The following EBF1 variants were observed in gnomAD, a reference collection of about 807,000 sequenced individuals.
EBF1 encodes the protein transcription factor COE1.
A neutral mutation model predicts 68.4 loss-of-function variants in EBF1; 10 were observed. The observed-to-expected ratio is 0.15, with a 90% confidence interval of 0.09 to 0.25. The LOEUF (loss-of-function observed/expected upper bound fraction) is 0.25, where lower values mean the gene tolerates loss of function less well. Ranked by LOEUF, EBF1 falls within the 10% of genes least tolerant of loss-of-function variation. The pLI, the probability that EBF1 is intolerant of heterozygous loss-of-function variation, is 1.00. For synonymous variants in EBF1, 298 were observed against 299.8 expected, an observed-to-expected ratio of 0.99 and a Z score of 0.06; for missense variants, 509 against 794.4, an observed-to-expected ratio of 0.64 and a Z score of 4.32.
chr5:158,769,709 A>G (rs1367714561), intron 10 of EBF1, among the ~76,000 whole-genome samples: 1 of 152,074 alleles, frequency 6.6e-6, no homozygotes, highest in Non-Finnish European at 1.5e-5. Flanking sequence ...GATCAGGGAA[A>G]AATCATATGT....
chr5:158,821,330 T>G (rs1221702410), intron 8 of EBF1, among the ~76,000 whole-genome samples: 1 of 152,242 alleles, frequency 6.6e-6, no homozygotes, highest in East Asian at 1.9e-4. Context: ...ATAACGTTAC[T>G]GATCCTCATT....
At chr5:158,977,577 A>G (rs1273474273) in intron 6 of EBF1, among the ~76,000 whole-genome samples, 1 of 152,226 alleles carries the variant, frequency 6.6e-6, no homozygotes, top group African/African-American at 2.4e-5. Context: ...TTAGCATCCT[A>G]TCAGTTCAGA....
At chr5:158,796,651 C>A (rs1779660631) in intron 8 of EBF1, among the ~76,000 whole-genome samples, 176 bp from the exon 9 acceptor site, 1 of 152,172 alleles carries the variant, frequency 6.6e-6, no homozygotes, top group Non-Finnish European at 1.5e-5. Flanking sequence ...GGTGCAACTT[C>A]AGTTTTTAAA....
intron 6 of EBF1, among the ~76,000 whole-genome samples, chr5:158,856,154 C>T (rs1793960438): frequency 6.6e-6 from 1 of 152,132 alleles, no homozygotes. Context: ...CTGCTGATGG[C>T]TACCAGATGT....
At chr5:159,062,412 T>TA (rs1776032526) in intron 6 of EBF1, among the ~76,000 whole-genome samples, 1 of 143,958 alleles carries the variant, frequency 6.9e-6, no homozygotes, top group South Asian at 2.2e-4. Flanking sequence ...GCCCTGTGGG[T>TA]AACTTCAAGC....
chr5:158,977,691 A>C (rs375538010), intron 6 of EBF1, among the ~76,000 whole-genome samples: 1 of 152,230 alleles, frequency 6.6e-6, no homozygotes, highest in African/African-American at 2.4e-5. Context: ...GCAAGATATG[A>C]AAGGGGTGGT....
intron 6 of EBF1, among the ~76,000 whole-genome samples, chr5:159,034,518 A>G (rs1561847948): frequency 6.6e-6 from 1 of 152,190 alleles, no homozygotes; most frequent in Non-Finnish European, 1.5e-5. Context: ...GGCCACCTTG[A>G]CAGCAAATCG....
intron 6 of EBF1, among the ~76,000 whole-genome samples, chr5:159,069,912 C>T: frequency 6.6e-6 from 1 of 152,146 alleles, no homozygotes; most frequent in East Asian, 1.9e-4. Flanking sequence ...GGTAATAAAA[C>T]TCCTATTTAT....
At chr5:158,743,089 A>G (rs898940355) in intron 10 of EBF1, among the ~76,000 whole-genome samples, 6 of 152,206 alleles carry the variant, frequency 3.9e-5, no homozygotes, top group Non-Finnish European at 7.3e-5. Flanking sequence ...TGAGAAGAAC[A>G]TGGTCCAGTG....
At chr5:159,060,245 T>C (rs895974393) in intron 6 of EBF1, among the ~76,000 whole-genome samples, 6 of 152,200 alleles carry the variant, frequency 3.9e-5, no homozygotes, top group African/African-American at 1.4e-4. Flanking sequence ...TGAAACTCCC[T>C]GTGAGAATAA....
At chr5:158,937,795 G>A (rs1031699424) in intron 6 of EBF1, among the ~76,000 whole-genome samples, 4 of 152,156 alleles carry the variant, frequency 2.6e-5, no homozygotes, top group South Asian at 2.1e-4. Context: ...TCACGGGGCC[G>A]CACGGCTCCA....
At chr5:158,775,776 GCACACAGACACACACACACAC>G (rs1775043647) in intron 10 of EBF1, among the ~76,000 whole-genome samples, 4 of 56,034 alleles carry the variant, frequency 7.1e-5, no homozygotes, top group African/African-American at 3.7e-4. Flanking sequence ...ACACACACAT[GCACACAGACACACACACACAC>G]ACACACACAC....
intron 6 of EBF1, among the ~76,000 whole-genome samples, chr5:158,850,717 T>C (rs1378949655): frequency 6.6e-6 from 1 of 152,164 alleles, no homozygotes; most frequent in Non-Finnish European, 1.5e-5. Context: ...GCATAAAAAC[T>C]TAAGTAGGGC....
intron 10 of EBF1, among the ~76,000 whole-genome samples, chr5:158,766,800 C>T (rs982628098): frequency 6.6e-6 from 1 of 152,088 alleles, no homozygotes; most frequent in Non-Finnish European, 1.5e-5. Flanking sequence ...ATATAAACAA[C>T]AAAGCAGGAC....
intron 6 of EBF1, among the ~76,000 whole-genome samples, chr5:158,927,967 C>T (rs1435788805): frequency 6.6e-6 from 1 of 152,198 alleles, no homozygotes; most frequent in Non-Finnish European, 1.5e-5. Flanking sequence ...ACCCAGGCAG[C>T]CTGCCTAAAA....
intron 6 of EBF1, among the ~76,000 whole-genome samples, chr5:159,002,983 C>T (rs956152376): frequency 3.9e-5 from 6 of 152,128 alleles, no homozygotes; most frequent in Non-Finnish European, 8.8e-5. Context: ...ATTTTCCTTT[C>T]GATCACTCTT....
intron 6 of EBF1, among the ~76,000 whole-genome samples, chr5:158,946,064 T>G (rs1814613075): frequency 6.6e-6 from 1 of 152,208 alleles, no homozygotes; most frequent in African/African-American, 2.4e-5. Context: ...AAACTGGTTA[T>G]TCTAGTTAGC....
intron 7 of EBF1, among the ~76,000 whole-genome samples, chr5:158,838,805 T>C (rs1789475084): frequency 6.6e-6 from 1 of 152,246 alleles, no homozygotes; most frequent in Non-Finnish European, 1.5e-5. Flanking sequence ...TTAAACACCA[T>C]GCTGTTTCCT....
chr5:158,805,705 T>C (rs1222444468), intron 8 of EBF1, among the ~76,000 whole-genome samples: 1 of 152,058 alleles, frequency 6.6e-6, no homozygotes, highest in African/African-American at 2.4e-5. Flanking sequence ...CAATTCACTA[T>C]TGTAATAGGA....
Sources: gnomAD v4.1 joint callset for allele counts (sites outside exome capture counted in the v4.1 genomes callset) on GRCh38, gnomAD v4.1.1 for gene constraint, MANE v1.5 for transcripts, NCBI Gene and HGNC (gene_info 2026-07-23, HGNC 2026-07-21) for gene names.